Variants in SLIT3 observed in about 807,000 individuals in gnomAD.
SLIT3 encodes slit guidance ligand 3, also known as slit homolog 3 protein.
SLIT3 carries 68 observed loss-of-function variants against 184.0 expected under a neutral mutation model. The observed-to-expected ratio is 0.37, with a 90% CI of 0.30 to 0.45. SLIT3 has a LOEUF of 0.45. SLIT3 is among the 20% of genes least tolerant of loss of function. The pLI, the probability that SLIT3 is intolerant of heterozygous loss-of-function variation, is 1.00. For missense variants in SLIT3, 1,707 were observed against 2,026.0 expected (o/e 0.84, Z 3.02); for synonymous variants, 831 against 828.6 (o/e 1.00, Z -0.05).
chr5:169,203,351 G>GCACACACACACACACACACACA (rs36206656), intron 3 of SLIT3, among the ~76,000 whole-genome samples: 2 of 147,424 alleles, frequency 1.4e-5, no homozygotes, highest in African/African-American at 5.0e-5. Context: ...ATGTGAATGT[G>GCACACACACACACACACACACA]CACACACACA....
intron 4 of SLIT3, among the ~76,000 whole-genome samples, chr5:169,190,301 TTAGC>T (rs1299410562): frequency 2.0e-5 from 3 of 152,370 alleles, no homozygotes; most frequent in Middle Eastern, 3.4e-3. Context: ...GTCTTTTGCA[TTAGC>T]TCACAAACAA....
intron 4 of SLIT3, among the ~76,000 whole-genome samples, chr5:169,152,201 A>G (rs1762138031): frequency 6.6e-6 from 1 of 152,232 alleles, no homozygotes. Flanking sequence ...TGTAACTTCC[A>G]GGAAAACCAC....
chr5:168,846,515 G>A (rs10055497), intron 5 of SLIT3, among the ~76,000 whole-genome samples: 2,213 of 152,106 alleles, frequency 0.015, 58 homozygotes, highest in African/African-American at 0.051. Flanking sequence ...CTTAGAGGCC[G>A]GTGAATCAAC....
Position 168,901,160 on chromosome 5 carries a change from T to A in SLIT3, c.414-17824A>T, listed in dbSNP as rs542257761. On this transcript the variant is annotated intron_variant, in intron 4 of 35. Transcript: ENST00000519560. ...GGCGGATCACGAGGTCAGGAGATAG[T>A]CCATCCTGGCTAACATGGTGAAACC... 2.1e-3 allele frequency among the ~76,000 whole-genome samples: 326 copies of A among 152,180 alleles called. 3 individuals carry two copies. The highest frequency in any genetic ancestry group is 7.5e-3 in the African/African-American group (312 of 41,510).
At chr5:169,080,461 G>A (rs1264604730) in intron 4 of SLIT3, among the ~76,000 whole-genome samples, 1 of 152,162 alleles carries the variant, frequency 6.6e-6, no homozygotes, top group African/African-American at 2.4e-5. Flanking sequence ...GTCTGCGGCT[G>A]GGAGACATGA....
intron 4 of SLIT3, among the ~76,000 whole-genome samples, chr5:168,952,817 G>A (rs1296579723): frequency 1.3e-5 from 2 of 152,170 alleles, no homozygotes; most frequent in Non-Finnish European, 2.9e-5. Flanking sequence ...GATGGGTGTG[G>A]GACCACAGCA....
intron 3 of SLIT3, among the ~76,000 whole-genome samples, chr5:169,240,487 C>T (rs1226578533): frequency 6.6e-5 from 10 of 150,616 alleles, no homozygotes; most frequent in Non-Finnish European, 1.2e-4. Context: ...ACAAAATTCC[C>T]TCTTTATATC....
intron 20 of SLIT3, among the ~76,000 whole-genome samples, chr5:168,739,726 G>C (rs142385399): frequency 6.6e-6 from 1 of 152,114 alleles, no homozygotes; most frequent in Non-Finnish European, 1.5e-5. Flanking sequence ...GATTACAGGC[G>C]TGAGCCACCG....
At chr5:169,008,742 C>T (rs1756029992) in intron 4 of SLIT3, among the ~76,000 whole-genome samples, 1 of 152,118 alleles carries the variant, frequency 6.6e-6, no homozygotes, top group Admixed American at 6.5e-5. Flanking sequence ...CTCCAGTGAT[C>T]CTCCTGCCTT....
chr5:168,863,533 A>G (rs528234608), intron 5 of SLIT3, among the ~76,000 whole-genome samples: 1 of 152,336 alleles, frequency 6.6e-6, no homozygotes, highest in Non-Finnish European at 1.5e-5. Context: ...CCATGGGTCA[A>G]TGTGGTTGTA....
At chr5:168,885,155 C>T (rs111672932) in intron 4 of SLIT3, among the ~76,000 whole-genome samples, 37 of 152,300 alleles carry the variant, frequency 2.4e-4, no homozygotes, top group Non-Finnish European at 4.7e-4. Flanking sequence ...CTAGCTAAAA[C>T]GAAACTTGAC....
chr5:169,086,656 T>C (rs1409471166), intron 4 of SLIT3, among the ~76,000 whole-genome samples: 1 of 152,242 alleles, frequency 6.6e-6, no homozygotes, highest in Non-Finnish European at 1.5e-5. Flanking sequence ...CTGGACCTCT[T>C]AACTCCTGCT....
intron 4 of SLIT3, among the ~76,000 whole-genome samples, chr5:169,144,058 T>G (rs1482239785): frequency 6.6e-6 from 1 of 152,186 alleles, no homozygotes; most frequent in African/African-American, 2.4e-5. Flanking sequence ...TAGTAGAATC[T>G]CCATGGTGTA....
At chr5:168,875,794 G>A (rs1301842659) in intron 5 of SLIT3, among the ~76,000 whole-genome samples, 1 of 151,862 alleles carries the variant, frequency 6.6e-6, no homozygotes, top group Non-Finnish European at 1.5e-5. Context: ...AGAAAGGAAG[G>A]GAAAGAGAAG....
At chr5:169,124,409 T>C (rs929074770) in intron 4 of SLIT3, among the ~76,000 whole-genome samples, 1 of 152,188 alleles carries the variant, frequency 6.6e-6, no homozygotes, top group East Asian at 1.9e-4. Flanking sequence ...AGACATTCCT[T>C]TGGGGAAAAT....
intron 4 of SLIT3, among the ~76,000 whole-genome samples, chr5:168,967,492 T>C (rs2113308112): frequency 1.0e-5 from 1 of 96,134 alleles, no homozygotes; most frequent in South Asian, 4.7e-4. Context: ...CAGGCTGGAG[T>C]GCAGTGGCGG....
chr5:168,692,584 G>C, intron 29 of SLIT3, 23 bp downstream of exon 29: 2 of 1,565,534 alleles, frequency 1.3e-6, no homozygotes, highest in Non-Finnish European at 1.8e-6. Context: ...ACTCTGTGCT[G>C]GGGGCACGAA....
chr5:169,274,730 A>G (rs746869), intron 1 of SLIT3, among the ~76,000 whole-genome samples: 45,896 of 152,130 alleles, frequency 0.3, 7,847 homozygotes, highest in Non-Finnish European at 0.4. Flanking sequence ...TGACACTGGC[A>G]TCTTCCTGGC....
chr5:169,176,076 ACTT>A (rs1762974506), intron 4 of SLIT3, among the ~76,000 whole-genome samples: 1 of 152,146 alleles, frequency 6.6e-6, no homozygotes, highest in African/African-American at 2.4e-5. Context: ...CAGCTAAAGT[ACTT>A]CTGGGCCTGC....
Sources: gnomAD v4.1 joint callset for allele counts (sites outside exome capture counted in the v4.1 genomes callset) on GRCh38, gnomAD v4.1.1 for gene constraint, MANE v1.5 for transcripts, NCBI Gene and HGNC (gene_info 2026-07-23, HGNC 2026-07-21) for gene names.